Variants in TUSC3 observed in about 807,000 individuals in gnomAD.
TUSC3 encodes the protein tumor suppressor candidate 3.
Under a neutral mutation model 44.8 loss-of-function variants are expected in TUSC3, and 45 were observed. That is an observed-to-expected ratio of 1.00 (90% CI 0.79 to 1.29). TUSC3 has a LOEUF of 1.29. Among genes scored for constraint, TUSC3 ranks in the 50% most tolerant of loss-of-function variants. The pLI is 0.00. For missense variants in TUSC3, 519 were observed against 437.9 expected (o/e 1.19, Z -1.65); for synonymous variants, 212 against 152.9 (o/e 1.39, Z -2.85).
intron 2 of TUSC3, among the ~76,000 whole-genome samples, chr8:15,523,654 ATATATATATATG>A (rs1801328624): frequency 3.8e-5 from 1 of 26,140 alleles, no homozygotes; most frequent in South Asian, 2.6e-3. Flanking sequence ...ATATATATAT[ATATATATATATG>A]TGTGTGTGTG....
the TUSC3 span, among the ~76,000 whole-genome samples, chr8:15,777,007 G>A: frequency 1.2e-3 from 188 of 152,176 alleles, no homozygotes; most frequent in Non-Finnish European, 2.1e-3. Context: ...CGTATCTCAT[G>A]TAGACAGGTT....
intron 1 of TUSC3, among the ~76,000 whole-genome samples, chr8:15,622,219 T>A (rs1805279465): frequency 6.6e-6 from 1 of 152,144 alleles, no homozygotes; most frequent in Non-Finnish European, 1.5e-5. Flanking sequence ...AGGAATACAG[T>A]GTTGTAGAGT....
At chr8:15,609,471 G>T (rs1053715425) in intron 1 of TUSC3, among the ~76,000 whole-genome samples, 7 of 151,940 alleles carry the variant, frequency 4.6e-5, no homozygotes, top group African/African-American at 1.7e-4. Context: ...CTTATATCTG[G>T]TACTTGTTTT....
chr8:15,836,245 G>T, the TUSC3 span, among the ~76,000 whole-genome samples: 1 of 151,780 alleles, frequency 6.6e-6, no homozygotes, highest in African/African-American at 2.4e-5. Context: ...GGAGGCTAAG[G>T]TGGGTGGAAT....
intron 1 of TUSC3, among the ~76,000 whole-genome samples, chr8:15,566,527 G>C (rs754110719): frequency 2.0e-5 from 3 of 151,954 alleles, no homozygotes; most frequent in Non-Finnish European, 4.4e-5. Context: ...AAGGAAAAAA[G>C]TTTACCACTT....
chr8:15,523,793 T>C (rs1427626418), intron 2 of TUSC3, among the ~76,000 whole-genome samples: 3 of 149,376 alleles, frequency 2.0e-5, no homozygotes, highest in Non-Finnish European at 3.0e-5. Flanking sequence ...CGCGGAGGCT[T>C]ACGCCTGTAA....
the TUSC3 span, among the ~76,000 whole-genome samples, chr8:15,846,471 T>C: frequency 6.6e-6 from 1 of 152,086 alleles, no homozygotes; most frequent in Non-Finnish European, 1.5e-5. Flanking sequence ...GAACCATCAA[T>C]GATAGACTGG....
chr8:15,456,690 A>G (rs935490475), intron 1 of TUSC3, among the ~76,000 whole-genome samples: 4 of 152,182 alleles, frequency 2.6e-5, no homozygotes, highest in African/African-American at 4.8e-5. Flanking sequence ...GTAGTCATTC[A>G]TATGGATAAA....
At chr8:15,550,575 C>A (rs997930070) in intron 1 of TUSC3, among the ~76,000 whole-genome samples, 1 of 151,602 alleles carries the variant, frequency 6.6e-6, no homozygotes, top group Non-Finnish European at 1.5e-5. Flanking sequence ...TCCTACCCTG[C>A]CCCCATCCCC....
chr8:15,585,349 T>A, intron 1 of TUSC3, among the ~76,000 whole-genome samples: 1 of 152,174 alleles, frequency 6.6e-6, no homozygotes, highest in East Asian at 1.9e-4. Context: ...AATGTAGCAG[T>A]TTCTTATTCT....
At chr8:15,521,390 C>A (rs951354544) in intron 2 of TUSC3, among the ~76,000 whole-genome samples, 1 of 152,026 alleles carries the variant, frequency 6.6e-6, no homozygotes, top group Non-Finnish European at 1.5e-5. Flanking sequence ...GAGTGAGGGG[C>A]AGCAGGAATG....
chr8:15,591,318 A>G (rs1375892477), intron 1 of TUSC3, among the ~76,000 whole-genome samples: 2 of 140,146 alleles, frequency 1.4e-5, no homozygotes, highest in Non-Finnish European at 3.1e-5. Flanking sequence ...GTCTACATTT[A>G]TGTATTTAAA....
At chr8:15,491,035 A>C (rs1056137448) in intron 2 of TUSC3, among the ~76,000 whole-genome samples, 154 of 152,246 alleles carry the variant, frequency 1.0e-3, no homozygotes, top group African/African-American at 3.6e-3. Context: ...GTTTCTGATC[A>C]GCGTTCACTG....
At chr8:15,496,177 G>C (rs1177554677) in intron 2 of TUSC3, among the ~76,000 whole-genome samples, 2 of 152,110 alleles carry the variant, frequency 1.3e-5, no homozygotes, top group African/African-American at 2.4e-5. Context: ...TGTACTCTCT[G>C]GGTCTCACTG....
chr8:15,468,157 T>G (rs1289534108), intron 1 of TUSC3, among the ~76,000 whole-genome samples: 1 of 152,220 alleles, frequency 6.6e-6, no homozygotes, highest in Non-Finnish European at 1.5e-5. Flanking sequence ...ATCATATAAT[T>G]ATCATCCTGA....
At chr8:15,485,856 G>A (rs557872779) in intron 2 of TUSC3, among the ~76,000 whole-genome samples, 21 of 152,154 alleles carry the variant, frequency 1.4e-4, no homozygotes, top group East Asian at 5.8e-4. Context: ...GCAATGGTGC[G>A]ATGTCACCTC....
In TUSC3 at chr8:15,736,163, C is replaced by G. The variant is rs187024303; in HGVS notation, c.862+5434C>G. ...GGTGCATGTGCTTTGTGCTGAGATA[C>G]AAGAGTCACAAAACCTGACAAGATG... On this transcript the variant is annotated intron_variant, in intron 7 of 10. Coordinates refer to ENST00000503731, the MANE Select transcript of TUSC3 (RefSeq NM_006765.4). Among the ~76,000 whole-genome samples the G allele has an allele frequency of 1.7e-4, 26 of 152,232 alleles. No individual in the cohort carries two copies. In the East Asian group the frequency reaches 3.9e-3, roughly 23 times the overall value.
chr8:15,692,374 T>TGTTTG (rs1808948319), intron 6 of TUSC3, among the ~76,000 whole-genome samples: 1 of 61,818 alleles, frequency 1.6e-5, no homozygotes, highest in Non-Finnish European at 3.2e-5. Context: ...CCCCCCCCTT[T>TGTTTG]GTTTTTTTTT....
chr8:15,500,529 G>GA (rs1289936448), intron 2 of TUSC3, among the ~76,000 whole-genome samples: 13 of 152,254 alleles, frequency 8.5e-5, no homozygotes, highest in African/African-American at 3.1e-4. Context: ...CAGCATTTCA[G>GA]TTGATCTAAG....
Sources: gnomAD v4.1 joint callset for allele counts (sites outside exome capture counted in the v4.1 genomes callset) on GRCh38, gnomAD v4.1.1 for gene constraint, MANE v1.5 for transcripts, NCBI Gene and HGNC (gene_info 2026-07-23, HGNC 2026-07-21) for gene names.